Variants in AIM2 observed in about 807,000 individuals in gnomAD.
AIM2 encodes the protein interferon-inducible protein AIM2.
AIM2 carries 30 observed loss-of-function variants against 27.7 expected under a neutral mutation model. The observed-to-expected ratio is 1.08, with a 90% CI of 0.81 to 1.47. AIM2 has a LOEUF of 1.47. Ranked by LOEUF, AIM2 falls within the 40% of genes most tolerant of loss-of-function variation. AIM2 has a pLI of 0.00. For synonymous variants in AIM2, 141 were observed against 145.3 expected (o/e 0.97, Z 0.21); for missense variants, 358 against 411.3 (o/e 0.87, Z 1.12).
intron 1 of AIM2, among the ~76,000 whole-genome samples, chr1:159,087,415 A>C (rs1449135170): frequency 6.6e-6 from 1 of 152,078 alleles, no homozygotes; most frequent in Non-Finnish European, 1.5e-5. Context: ...CTGTGGAAGT[A>C]TACCTGAAGA....
At chr1:159,079,610 A>G (rs1445629028), upstream of AIM2, among the ~76,000 whole-genome samples, 3 of 152,142 alleles carry the variant, frequency 2.0e-5, no homozygotes, top group Non-Finnish European at 4.4e-5. Flanking sequence ...CTGAAGGTAC[A>G]GGTTTCCATA....
intron 1 of AIM2, among the ~76,000 whole-genome samples, chr1:159,095,309 C>T (rs752939912): frequency 6.6e-6 from 1 of 152,112 alleles, no homozygotes; most frequent in Non-Finnish European, 1.5e-5. Context: ...TCAGCCATTT[C>T]CCCGAGGCAG....
At chr1:159,133,973 C>T (rs184565017) in intron 1 of AIM2, among the ~76,000 whole-genome samples, 32 of 152,318 alleles carry the variant, frequency 2.1e-4, no homozygotes, top group Non-Finnish European at 3.5e-4. Context: ...ATCTCCTCTA[C>T]TATATCTCAA....
Position 159,075,894 on chromosome 1 carries a change from T to C in AIM2, c.-21+739A>G, listed in dbSNP as rs1656588345. Among the ~76,000 whole-genome samples, 2 of 152,196 alleles carry C rather than the reference T, an allele frequency of 1.3e-5. 1 individual carries two copies. The highest frequency in any genetic ancestry group is 1.3e-4 in the Admixed American group (2 of 15,266). On this transcript the variant is annotated intron_variant, in intron 1 of 5. Coordinates refer to ENST00000368130, the MANE Select transcript of AIM2 (RefSeq NM_004833.3). Reference sequence around the variant, plus strand: ...ATTGTGAATTTTAGGGAAGCTTGAATACCCCCATCAGTAGAGTCAATGTTA... The same window carrying C: ...ATTGTGAATTTTAGGGAAGCTTGAACACCCCCATCAGTAGAGTCAATGTTA...
intron 1 of AIM2, among the ~76,000 whole-genome samples, chr1:159,126,681 T>A (rs997465592): frequency 1.3e-5 from 2 of 151,072 alleles, no homozygotes; most frequent in African/African-American, 4.9e-5. Context: ...ATAGAATTAC[T>A]TTGGAAAGCA....
chr1:159,122,925 T>TG (rs1169325122), intron 1 of AIM2, among the ~76,000 whole-genome samples: 2 of 152,198 alleles, frequency 1.3e-5, no homozygotes, highest in Non-Finnish European at 2.9e-5. Context: ...GCCCTGTTTT[T>TG]GATAACATTT....
intron 1 of AIM2, among the ~76,000 whole-genome samples, chr1:159,125,942 A>G (rs752933419): frequency 6.6e-6 from 1 of 152,216 alleles, no homozygotes; most frequent in Non-Finnish European, 1.5e-5. Context: ...TACTGTGACT[A>G]TAAGAATTCA....
At chr1:159,087,067 A>G (rs1231735477) in intron 1 of AIM2, among the ~76,000 whole-genome samples, 2 of 152,244 alleles carry the variant, frequency 1.3e-5, no homozygotes, top group African/African-American at 2.4e-5. Context: ...TTATTTAAAT[A>G]CATAATGAAA....
At position 159,137,377 on chromosome 1, in the gene AIM2, C is replaced by T. The variant is rs1183374209; in HGVS notation, c.-16+3054G>A. Among the ~76,000 whole-genome samples the T allele has an allele frequency of 4.6e-5, 7 of 152,290 alleles. No individual in the cohort carries two copies. The East Asian group carries it at 1.4e-3, about 29-fold the overall frequency. ...ACCTATTAAAACCTACGTGCTGGGGCTGGGCGTGGTGGCTCACACCTGTAA... is the reference window on the plus strand; with the variant it reads ...ACCTATTAAAACCTACGTGCTGGGGTTGGGCGTGGTGGCTCACACCTGTAA... On this transcript the variant is annotated intron_variant, in intron 1 of 2. Transcript: ENST00000368129.
At chr1:159,079,416 A>G (rs189267823), upstream of AIM2, among the ~76,000 whole-genome samples, 47 of 152,330 alleles carry the variant, frequency 3.1e-4, no homozygotes, top group African/African-American at 1.1e-3. Flanking sequence ...ATGAATAATA[A>G]CCAGCTAATA....
downstream of AIM2, among the ~76,000 whole-genome samples, chr1:159,059,159 T>C (rs187781066): frequency 9.2e-5 from 14 of 152,344 alleles, no homozygotes; most frequent in African/African-American, 2.6e-4. Flanking sequence ...CGTACTGTTT[T>C]ACACTACCTT....
At chr1:159,075,701 T>C (rs946931643) in intron 1 of AIM2, among the ~76,000 whole-genome samples, 1 of 151,964 alleles carries the variant, frequency 6.6e-6, no homozygotes, top group African/African-American at 2.4e-5. Flanking sequence ...AACAGTCTAT[T>C]TGAAAAGTGT....
At chr1:159,080,749 T>C (rs1366308348), upstream of AIM2, among the ~76,000 whole-genome samples, 1 of 152,176 alleles carries the variant, frequency 6.6e-6, no homozygotes, top group East Asian at 1.9e-4. Context: ...ATAAGCAATG[T>C]CCATATGCCT....
chr1:159,137,664 C>G (rs1037307785), intron 1 of AIM2, among the ~76,000 whole-genome samples: 1 of 152,060 alleles, frequency 6.6e-6, no homozygotes, highest in Non-Finnish European at 1.5e-5. Context: ...CTCAAACAAA[C>G]GAACAAAAAT....
At chr1:159,077,598 A>G (rs978584883), upstream of AIM2, among the ~76,000 whole-genome samples, 1 of 152,170 alleles carries the variant, frequency 6.6e-6, no homozygotes, top group Non-Finnish European at 1.5e-5. Flanking sequence ...AACAGTTCCT[A>G]TCTACTAGTG....
chr1:159,086,838 A>G (rs1656925055), intron 1 of AIM2, among the ~76,000 whole-genome samples: 2 of 152,220 alleles, frequency 1.3e-5, no homozygotes, highest in Non-Finnish European at 2.9e-5. Context: ...CACTAAGCAA[A>G]GTAACTGAAA....
At chr1:159,136,667 C>A (rs1648014669) in intron 1 of AIM2, among the ~76,000 whole-genome samples, 1 of 152,172 alleles carries the variant, frequency 6.6e-6, no homozygotes, top group African/African-American at 2.4e-5. Flanking sequence ...CAAAGATATT[C>A]TATTCCATTA....
intron 1 of AIM2, among the ~76,000 whole-genome samples, chr1:159,109,157 T>C (rs1005117229): frequency 2.6e-5 from 4 of 152,014 alleles, no homozygotes; most frequent in African/African-American, 9.7e-5. Flanking sequence ...TATAAGGCCA[T>C]AGTCACCAAA....
chr1:159,080,347 T>G (rs1049019233), upstream of AIM2, among the ~76,000 whole-genome samples: 1 of 152,194 alleles, frequency 6.6e-6, no homozygotes, highest in Non-Finnish European at 1.5e-5. Flanking sequence ...TTGAACAGTT[T>G]TAAGAATAAG....
Sources: allele counts gnomAD v4.1 joint callset (sites outside exome capture counted in the v4.1 genomes callset), GRCh38; gene constraint gnomAD v4.1.1; transcripts MANE v1.5; gene names NCBI Gene and HGNC (gene_info 2026-07-23, HGNC 2026-07-21).